The following TEX12 variants were observed in gnomAD, a reference collection of about 807,000 sequenced individuals.
TEX12 encodes the protein testis expressed 12, also known as testis-expressed protein 12.
TEX12 carries 7 observed loss-of-function variants against 14.6 expected under a neutral mutation model. The ratio of observed to expected loss-of-function variants is 0.48; its 90% CI spans 0.27 to 0.90. TEX12 has a LOEUF of 0.90. Among genes scored for constraint, TEX12 ranks in the 40% least tolerant of loss-of-function variants. The pLI is 0.12. For missense variants in TEX12, 121 were observed against 135.7 expected, an observed-to-expected ratio of 0.89 and a Z score of 0.54; for synonymous variants, 57 against 49.1, an observed-to-expected ratio of 1.16 and a Z score of -0.67.
chr11:112,169,385 C>G lies in TEX12; in HGVS notation c.63+54C>G, dbSNP rs143442996. 4,664 of 1,359,420 alleles carry G rather than the reference C, an allele frequency of 3.4e-3. 30 individuals carry two copies. The highest frequency in any genetic ancestry group is 2.7e-3 in the Non-Finnish European group (2,548 of 951,404). 84.2% of individuals were successfully genotyped at this position (1,359,420 alleles called of 1,614,324 possible). A position where few individuals can be genotyped will look rare whatever the true frequency, so the allele number is the denominator to read the frequency against. ...CTTTTATTCTGTTTTACATACTACT[C>G]AAATTTCTTCCCTTTAAGAAAGCTC... On this transcript the variant is annotated intron_variant, in intron 2 of 4. Transcript: ENST00000280358.
Position 112,172,029 on chromosome 11 carries a change from G to C in TEX12, c.*113G>C. The C allele has an allele frequency of 1.0e-5, 8 of 780,176 alleles. No homozygotes were observed. The highest frequency in any genetic ancestry group is 1.5e-5 in the Non-Finnish European group (8 of 551,006). 48.3% of individuals were successfully genotyped at this position (780,176 alleles called of 1,614,324 possible). On this transcript the variant is annotated 3_prime_UTR_variant, in exon 5 of 5. Coordinates refer to ENST00000280358, the MANE Select transcript of TEX12 (RefSeq NM_031275.4). ...TTAAAGAAAATGTATATCTCGAATA[G>C]AGAAGGGGAAACTCCTTGAATTTCT...
At position 112,170,540 on chromosome 11, in the gene TEX12, A is replaced by C; in HGVS notation, c.175+10A>C. 1 of 1,595,666 alleles carries C rather than the reference A, an allele frequency of 6.3e-7. No individual in the cohort carries two copies. The highest frequency in any genetic ancestry group is 8.6e-7 in the Non-Finnish European group (1 of 1,164,160). Reference sequence around the variant, plus strand: ...GAGAAAGATTTAAATGGTGATGTATAAAATGTTTATATTTCTAAACATCAG... The same window carrying C: ...GAGAAAGATTTAAATGGTGATGTATCAAATGTTTATATTTCTAAACATCAG... On this transcript the variant is annotated intron_variant, in intron 3 of 4. Transcript: ENST00000280358.
intron 4 of TEX12, among the ~76,000 whole-genome samples, chr11:112,171,087 A>C (rs1303536766): frequency 6.6e-6 from 1 of 152,120 alleles, no homozygotes; most frequent in Non-Finnish European, 1.5e-5. Flanking sequence ...AATCAACCAC[A>C]CATTGAAAAT....
chr11:112,172,047 G>T lies in TEX12; in HGVS notation c.*131G>T, dbSNP rs1866798341. The T allele has an allele frequency of 1.6e-6, 1 of 628,506 alleles. No homozygotes were observed. 38.9% of individuals were successfully genotyped at this position (628,506 alleles called of 1,614,324 possible). ...TCGAATAGAGAAGGGGAAACTCCTT[G>T]AATTTCTAGGTTTAAAAAGGAACTT... is the stretch of plus-strand genomic sequence containing the variant. On this transcript the variant is annotated 3_prime_UTR_variant, in exon 5 of 5. Coordinates refer to ENST00000280358, the MANE Select transcript of TEX12 (RefSeq NM_031275.4).
rs761335224 is a variant in TEX12 at position 112,171,781 on chromosome 11, A to C, written c.237A>C (p.Ala79=). Residue 79 remains alanine (A), a synonymous_variant, in exon 5 of 5, where the codon GCA becomes GCC. Coordinates refer to ENST00000280358, the MANE Select transcript of TEX12 (RefSeq NM_031275.4). ...STYAKLLSER[A]AVDASYIDEI... ...CTTTTTTTCCTATTAGTGAGAGAGC[A>C]GCAGTAGATGCATCTTACATTGATG... 2 of 1,548,030 alleles carry C rather than the reference A, an allele frequency of 1.3e-6. No individual in the cohort carries two copies. The highest frequency in any genetic ancestry group is 2.8e-5 in the African/African-American group (2 of 71,798).
rs1225164691 is a variant in TEX12 at position 112,172,434 on chromosome 11, G to A, written c.*518G>A. The A allele has an allele frequency of 6.6e-6, 1 of 151,998 alleles. No homozygotes were observed. Among genetic ancestry groups the A allele is most frequent in the Non-Finnish European group, 1.5e-5 (1 of 67,940 alleles). The allele number at this position is 151,998 out of a possible 1,614,324, so 9.4% of individuals were successfully genotyped here. ...TTTCTTAGAATATAATGACATAACT[G>A]TGTGCTATTTCCATTTGATTATTTT... is the stretch of plus-strand genomic sequence containing the variant. On this transcript the variant is annotated 3_prime_UTR_variant, in exon 5 of 5. Coordinates refer to ENST00000280358, the MANE Select transcript of TEX12 (RefSeq NM_031275.4).
Position 112,169,075 on chromosome 11 carries a change from T to G in TEX12, c.-16-178T>G, listed in dbSNP as rs878905174. Among the ~76,000 whole-genome samples, 5 of 152,134 alleles carry G rather than the reference T, an allele frequency of 3.3e-5. No individual in the cohort carries two copies. The South Asian group carries it at 1.0e-3, about 32-fold the overall frequency. Reference sequence around the variant, plus strand: ...ATGCAGTAATCAAAGTTTTGAAAGATTACCCAAATAGCAGTTGATAGAATG... The same window carrying G: ...ATGCAGTAATCAAAGTTTTGAAAGAGTACCCAAATAGCAGTTGATAGAATG... On this transcript the variant is annotated intron_variant, in intron 1 of 4. Transcript: ENST00000280358.
Position 112,172,005 on chromosome 11 carries a change from T to TA in TEX12, c.*92dup. 1 of 1,055,490 alleles carries TA rather than the reference T, an allele frequency of 9.5e-7. No homozygotes were observed. The highest frequency in any genetic ancestry group is 1.3e-6 in the Non-Finnish European group (1 of 785,752). The allele number at this position is 1,055,490 out of a possible 1,614,324, so 65.4% of individuals were successfully genotyped here. Reference sequence around the variant, plus strand: ...TATGCTTTGAAAGCTCTCGAGTTGTTAAAGAAAATGTATATCTCGAATAGA... The same window carrying TA: ...TATGCTTTGAAAGCTCTCGAGTTGTTAAAAGAAAATGTATATCTCGAATAGA... On this transcript the variant is annotated 3_prime_UTR_variant, in exon 5 of 5. Coordinates refer to ENST00000280358, the MANE Select transcript of TEX12 (RefSeq NM_031275.4).
At chr11:112,170,006 G>GAAAAC (rs527863926) in intron 2 of TEX12, among the ~76,000 whole-genome samples, 256 of 152,196 alleles carry the variant, frequency 1.7e-3, no homozygotes, top group South Asian at 7.5e-3. Context: ...CATTGTCTCT[G>GAAAAC]AAAACAAAAC....
At chr11:112,167,738 G>C (rs759113265) in intron 1 of TEX12, among the ~76,000 whole-genome samples, 1 of 152,158 alleles carries the variant, frequency 6.6e-6, no homozygotes, top group Admixed American at 6.5e-5. Context: ...TTTGGCACAC[G>C]ACGAAGACCA....
chr11:112,169,174 G>A, intron 1 of TEX12, 79 bp from the exon 2 acceptor site: 2 of 930,496 alleles, frequency 2.1e-6, no homozygotes, highest in African/African-American at 1.6e-5. Flanking sequence ...AGCAGTAGGA[G>A]TGGGAAACAG....
rs769456138 is a variant in TEX12, at chr11:112,169,401, A to T, written c.63+70A>T. 11 of 1,214,686 alleles carry T rather than the reference A, an allele frequency of 9.1e-6. No homozygotes were observed. In the East Asian group the frequency reaches 2.6e-4, roughly 28 times the overall value. The allele number at this position is 1,214,686 out of a possible 1,614,324, so 75.2% of individuals were successfully genotyped here. On this transcript the variant is annotated intron_variant, in intron 2 of 4. Coordinates refer to ENST00000280358, the MANE Select transcript of TEX12 (RefSeq NM_031275.4). ...CATACTACTCAAATTTCTTCCCTTT[A>T]AGAAAGCTCTATAGATAAGTGGGAT...
At chr11:112,168,583 G>A (rs956998546) in intron 1 of TEX12, among the ~76,000 whole-genome samples, 5 of 150,792 alleles carry the variant, frequency 3.3e-5, no homozygotes, top group African/African-American at 4.9e-5. Flanking sequence ...GTGGAGTCTC[G>A]CTCTGTTGCC....
chr11:112,168,209 C>T (rs989864323), intron 1 of TEX12, among the ~76,000 whole-genome samples: 1 of 152,184 alleles, frequency 6.6e-6, no homozygotes, highest in Non-Finnish European at 1.5e-5. Flanking sequence ...CATCGTTTCT[C>T]AAAAACAACA....
chr11:112,170,523 T>C lies in TEX12; in HGVS notation c.168T>C (p.Asp56=). 6.2e-7 allele frequency: 1 copy of C among 1,607,070 alleles called. No individual in the cohort carries two copies. The highest frequency in any genetic ancestry group is 8.5e-7 in the Non-Finnish European group (1 of 1,174,132). The change falls in exon 3 of 5, where the codon GAT becomes GAC. Residue 56 remains aspartate (D), a synonymous_variant. Transcript: ENST00000280358. ...LFYKDEALEK[D]LNDVSKEINL... ...ATAAAGATGAAGCCTTGGAGAAAGA[T>C]TTAAATGGTGATGTATAAAATGTTT...
intron 2 of TEX12, 82 bp downstream of exon 2, chr11:112,169,413 T>C (rs11214106): frequency 0.12 from 133,808 of 1,070,556 alleles, 11,113 homozygotes; most frequent in East Asian, 0.42. Context: ...GAAAGCTCTA[T>C]AGATAAGTGG....
At chr11:112,168,273 G>C (rs554328873) in intron 1 of TEX12, among the ~76,000 whole-genome samples, 4 of 152,280 alleles carry the variant, frequency 2.6e-5, no homozygotes, top group African/African-American at 9.6e-5. Context: ...CAAAGACACA[G>C]AGACTATACC....
intron 1 of TEX12, among the ~76,000 whole-genome samples, chr11:112,168,306 C>G (rs1031746435): frequency 6.6e-6 from 1 of 152,298 alleles, no homozygotes; most frequent in African/African-American, 2.4e-5. Context: ...AACATTTGGA[C>G]TCCTAGGGAA....
intron 1 of TEX12, among the ~76,000 whole-genome samples, chr11:112,168,051 A>C (rs910722412): frequency 1.3e-5 from 2 of 152,228 alleles, no homozygotes; most frequent in Non-Finnish European, 1.5e-5. Context: ...AAACTTACAT[A>C]CTATAAAGGT....
Sources: gnomAD v4.1 joint callset for allele counts (sites outside exome capture counted in the v4.1 genomes callset) on GRCh38, gnomAD v4.1.1 for gene constraint, MANE v1.5 for transcripts, NCBI Gene and HGNC (gene_info 2026-07-23, HGNC 2026-07-21) for gene names.